KHDRBS2: variants seen among roughly 807,000 people sequenced by gnomAD.
KHDRBS2 encodes KH RNA binding domain containing, signal transduction associated 2, also known as KH domain-containing, RNA-binding, signal transduction-associated protein 2.
A neutral mutation model predicts 44.3 loss-of-function variants in KHDRBS2; 26 were observed. That is an observed-to-expected ratio of 0.59 (90% CI 0.43 to 0.81). KHDRBS2 has a LOEUF of 0.81. KHDRBS2 is among the 40% of genes least tolerant of loss of function. KHDRBS2 has a pLI of 0.00. For missense variants in KHDRBS2, 476 were observed against 433.1 expected (o/e 1.10, Z -0.88); for synonymous variants, 194 against 151.1 (o/e 1.28, Z -2.08).
intron 2 of KHDRBS2, among the ~76,000 whole-genome samples, chr6:62,157,578 G>A (rs547158452): frequency 6.6e-6 from 1 of 152,184 alleles, no homozygotes; most frequent in Non-Finnish European, 1.5e-5. Context: ...ATTGAAGTAC[G>A]TACTCATTTA....
rs377319494 is a variant in KHDRBS2 at position 62,202,628 on chromosome 6, T to C, written c.92-25316A>G. Among the ~76,000 whole-genome samples the C allele has an allele frequency of 2.2e-4, 34 of 152,158 alleles. No homozygotes were observed. In the East Asian group the frequency reaches 6.0e-3, roughly 27 times the overall value. On this transcript the variant is annotated intron_variant, in intron 1 of 8. Transcript: ENST00000281156. Reference sequence around the variant, plus strand: ...TATTCATCCTAGACCCAAGATATGTTATGGAAAAGGAAAACCAAAGTAGTT... The same window carrying C: ...TATTCATCCTAGACCCAAGATATGTCATGGAAAAGGAAAACCAAAGTAGTT...
intron 6 of KHDRBS2, among the ~76,000 whole-genome samples, chr6:61,820,176 TG>T (rs1427772889): frequency 6.6e-6 from 1 of 152,028 alleles, no homozygotes; most frequent in Admixed American, 6.6e-5. Context: ...TGAAAAGAGT[TG>T]TGGTTAACTT....
At chr6:62,260,923 G>C (rs897664442) in intron 1 of KHDRBS2, among the ~76,000 whole-genome samples, 1 of 151,928 alleles carries the variant, frequency 6.6e-6, no homozygotes, top group Admixed American at 6.6e-5. Context: ...AATAGTGTTA[G>C]TGTAGCTTTT....
chr6:62,082,637 T>A (rs961115283), intron 2 of KHDRBS2, among the ~76,000 whole-genome samples: 1 of 152,154 alleles, frequency 6.6e-6, no homozygotes, highest in African/African-American at 2.4e-5. Flanking sequence ...AAAATTGGAA[T>A]TGGGACAGAG....
chr6:62,187,784 C>T (rs1266425176), intron 1 of KHDRBS2, among the ~76,000 whole-genome samples: 2 of 151,924 alleles, frequency 1.3e-5, no homozygotes, highest in Non-Finnish European at 2.9e-5. Flanking sequence ...TTTTAAAGTA[C>T]ACAATGCTGT....
chr6:61,788,305 C>A (rs1289215138), intron 6 of KHDRBS2, among the ~76,000 whole-genome samples: 1 of 151,452 alleles, frequency 6.6e-6, no homozygotes, highest in African/African-American at 2.4e-5. Flanking sequence ...CCACTTCTAG[C>A]TTTTAAATAA....
intron 7 of KHDRBS2, among the ~76,000 whole-genome samples, chr6:61,703,188 G>T (rs1393549932): frequency 6.6e-6 from 1 of 151,688 alleles, no homozygotes; most frequent in Non-Finnish European, 1.5e-5. Context: ...CATGATTAAA[G>T]AACATGATAA....
chr6:62,163,658 GA>G (rs1022877455), intron 2 of KHDRBS2, among the ~76,000 whole-genome samples: 2 of 151,926 alleles, frequency 1.3e-5, no homozygotes, highest in African/African-American at 4.8e-5. Flanking sequence ...TCAGATAAAA[GA>G]AAGTGAATTA....
At chr6:61,740,029 C>T (rs528298062) in intron 6 of KHDRBS2, among the ~76,000 whole-genome samples, 35 of 151,894 alleles carry the variant, frequency 2.3e-4, no homozygotes, top group Admixed American at 2.0e-3. Context: ...GTCACCTCTG[C>T]TCTTGGTTAC....
At chr6:62,020,270 T>C (rs1321062293) in intron 3 of KHDRBS2, among the ~76,000 whole-genome samples, 1 of 152,028 alleles carries the variant, frequency 6.6e-6, no homozygotes, top group Non-Finnish European at 1.5e-5. Context: ...GTAACATATT[T>C]ATTTGCTTAT....
At chr6:62,169,160 T>TAC (rs1248344322) in intron 2 of KHDRBS2, among the ~76,000 whole-genome samples, 1 of 85,268 alleles carries the variant, frequency 1.2e-5, no homozygotes, top group Non-Finnish European at 2.6e-5. Context: ...TATATATACG[T>TAC]ACACATATAT....
At chr6:61,717,653 AG>A (rs1173049518) in intron 7 of KHDRBS2, among the ~76,000 whole-genome samples, 1 of 152,154 alleles carries the variant, frequency 6.6e-6, no homozygotes, top group Non-Finnish European at 1.5e-5. Context: ...ACTTTTATTA[AG>A]TTACTGGATA....
intron 6 of KHDRBS2, among the ~76,000 whole-genome samples, chr6:61,845,615 G>A (rs770733402): frequency 2.0e-5 from 3 of 152,082 alleles, no homozygotes; most frequent in Non-Finnish European, 4.4e-5. Context: ...GCCCAATGAG[G>A]GATACAGTTC....
chr6:61,667,499 T>C, the KHDRBS2 span, among the ~76,000 whole-genome samples: 7 of 151,310 alleles, frequency 4.6e-5, no homozygotes, highest in Middle Eastern at 3.2e-3. Flanking sequence ...AAAATGTCTC[T>C]CTTCAACTTG....
At chr6:61,637,019 T>C in the KHDRBS2 span, among the ~76,000 whole-genome samples, 9 of 151,994 alleles carry the variant, frequency 5.9e-5, no homozygotes, top group Admixed American at 3.9e-4. Flanking sequence ...GTTCAACATA[T>C]ACTTTTTTCT....
At chr6:61,628,118 C>T in the KHDRBS2 span, among the ~76,000 whole-genome samples, 1 of 150,478 alleles carries the variant, frequency 6.6e-6, no homozygotes, top group Non-Finnish European at 1.5e-5. Flanking sequence ...CTTTGTTTCT[C>T]TTCCCACATT....
chr6:61,934,797 A>T (rs1161710748), intron 4 of KHDRBS2, among the ~76,000 whole-genome samples: 1 of 152,176 alleles, frequency 6.6e-6, no homozygotes, highest in Admixed American at 6.5e-5. Context: ...AGTTACTGGA[A>T]AAACAATTCA....
At chr6:62,204,094 G>C (rs1329845983) in intron 1 of KHDRBS2, among the ~76,000 whole-genome samples, 1 of 152,164 alleles carries the variant, frequency 6.6e-6, no homozygotes, top group African/African-American at 2.4e-5. Context: ...ACCAGAAGCA[G>C]ATGCTGGTGT....
chr6:61,960,238 T>G (rs1435152651), intron 4 of KHDRBS2, among the ~76,000 whole-genome samples: 1 of 152,124 alleles, frequency 6.6e-6, no homozygotes, highest in African/African-American at 2.4e-5. Context: ...GTACCTATTC[T>G]CTTGTCCTTA....
Sources: gnomAD v4.1 joint callset for allele counts (sites outside exome capture counted in the v4.1 genomes callset) on GRCh38, gnomAD v4.1.1 for gene constraint, MANE v1.5 for transcripts, NCBI Gene and HGNC (gene_info 2026-07-23, HGNC 2026-07-21) for gene names.